The following IPO11 variants were observed in gnomAD, a reference collection of about 807,000 sequenced individuals.
The protein encoded by IPO11 is importin 11.
In IPO11, 66 loss-of-function variants were observed where a neutral mutation model predicts 143.2. That is an observed-to-expected ratio of 0.46 (90% CI 0.38 to 0.57). The LOEUF (loss-of-function observed/expected upper bound fraction) is 0.57, where lower values mean the gene tolerates loss of function less well. Among genes scored for constraint, IPO11 ranks in the 20% least tolerant of loss-of-function variants. IPO11 has a pLI of 0.00. For synonymous variants in IPO11, 385 were observed against 377.8 expected (o/e 1.02, Z -0.22); for missense variants, 1,026 against 1,141.0 (o/e 0.90, Z 1.45).
intron 1 of IPO11, among the ~76,000 whole-genome samples, chr5:62,424,211 C>T (rs529509783): frequency 6.6e-6 from 1 of 151,850 alleles, no homozygotes; most frequent in African/African-American, 2.4e-5. Context: ...GCAATCCGAG[C>T]TCACTGCAAG....
intron 22 of IPO11, among the ~76,000 whole-genome samples, chr5:62,532,112 AC>A (rs1015683202): frequency 6.6e-6 from 1 of 152,210 alleles, no homozygotes; most frequent in Non-Finnish European, 1.5e-5. Flanking sequence ...AGCTGCTTCC[AC>A]ATATGTGTGA....
chr5:62,477,558 A>C (rs191510791), intron 9 of IPO11, among the ~76,000 whole-genome samples: 180 of 152,334 alleles, frequency 1.2e-3, no homozygotes, highest in African/African-American at 3.9e-3. Context: ...CTAATCTTCC[A>C]AGATACATTA....
intron 19 of IPO11, among the ~76,000 whole-genome samples, chr5:62,513,322 C>G (rs1320227120): frequency 7.7e-5 from 7 of 91,046 alleles, no homozygotes; most frequent in African/African-American, 3.4e-4. Context: ...CTGACCCCCC[C>G]ACCTCCCTCC....
intron 9 of IPO11, among the ~76,000 whole-genome samples, chr5:62,478,018 A>T (rs546805340): frequency 1.6e-4 from 24 of 152,288 alleles, no homozygotes; most frequent in African/African-American, 5.8e-4. Flanking sequence ...ACAATTATCA[A>T]CATATGGCCA....
intron 27 of IPO11, among the ~76,000 whole-genome samples, chr5:62,586,766 AAAATATATATATATATATAT>A (rs1418830985): frequency 8.3e-4 from 63 of 76,202 alleles, no homozygotes; most frequent in African/African-American, 1.5e-3. Context: ...AAAAAAAAAA[AAAATATATATATATATATAT>A]ATATATATAT....
At chr5:62,597,147 CAG>C (rs1412135420) in intron 28 of IPO11, among the ~76,000 whole-genome samples, 1 of 152,040 alleles carries the variant, frequency 6.6e-6, no homozygotes, top group Non-Finnish European at 1.5e-5. Context: ...CTCATTATAA[CAG>C]AAAACTATTA....
At chr5:62,544,071 GAA>G (rs998750348) in intron 24 of IPO11, among the ~76,000 whole-genome samples, 1 of 152,004 alleles carries the variant, frequency 6.6e-6, no homozygotes, top group African/African-American at 2.4e-5. Context: ...CCAATCAATA[GAA>G]AAAGAGGGAA....
intron 29 of IPO11, among the ~76,000 whole-genome samples, chr5:62,607,583 T>C (rs1236066778): frequency 2.0e-5 from 3 of 152,202 alleles, no homozygotes; most frequent in Non-Finnish European, 2.9e-5. Flanking sequence ...GCAAATAATA[T>C]GAGAATAATT....
chr5:62,540,177 A>G (rs772062315), intron 24 of IPO11, among the ~76,000 whole-genome samples: 1 of 152,200 alleles, frequency 6.6e-6, no homozygotes, highest in African/African-American at 2.4e-5. Flanking sequence ...TCTCGACTAT[A>G]CTGAGGATCC....
intron 27 of IPO11, among the ~76,000 whole-genome samples, chr5:62,591,002 A>G (rs1744989727): frequency 6.6e-6 from 1 of 152,132 alleles, no homozygotes; most frequent in African/African-American, 2.4e-5. Flanking sequence ...GTGTGATCAT[A>G]TTGCACTGCA....
At chr5:62,433,028 C>T (rs1744048919) in intron 1 of IPO11, among the ~76,000 whole-genome samples, 1 of 152,124 alleles carries the variant, frequency 6.6e-6, no homozygotes, top group Non-Finnish European at 1.5e-5. Flanking sequence ...ACTGTTCTTT[C>T]ATTTAATGGT....
At chr5:62,414,238 C>G (rs1743214442) in intron 1 of IPO11, among the ~76,000 whole-genome samples, 1 of 152,070 alleles carries the variant, frequency 6.6e-6, no homozygotes, top group Non-Finnish European at 1.5e-5. Flanking sequence ...GGAATCAAAC[C>G]AGAATGCAGC....
intron 9 of IPO11, among the ~76,000 whole-genome samples, chr5:62,481,070 C>T (rs1746186627): frequency 6.6e-6 from 1 of 151,872 alleles, no homozygotes. Flanking sequence ...CACCCGCCAC[C>T]ATGCCCGGCT....
intron 1 of IPO11, among the ~76,000 whole-genome samples, chr5:62,436,900 C>CAT (rs1191611510): frequency 1.3e-5 from 2 of 152,160 alleles, no homozygotes; most frequent in Non-Finnish European, 2.9e-5. Context: ...TTTTATAACA[C>CAT]TTATTAATCT....
At chr5:62,619,858 CAA>C (rs746676766) in intron 29 of IPO11, among the ~76,000 whole-genome samples, 1 of 130,134 alleles carries the variant, frequency 7.7e-6, no homozygotes. Flanking sequence ...GACTCCACCT[CAA>C]AAAAAAAAAG....
intron 22 of IPO11, 38 bp downstream of exon 22, chr5:62,530,823 T>G: frequency 6.7e-7 from 1 of 1,488,606 alleles, no homozygotes; most frequent in Non-Finnish European, 9.3e-7. Flanking sequence ...TGTTTTTGAA[T>G]GCAACCATAA....
chr5:62,541,690 AAG>A (rs1433536057), intron 24 of IPO11, among the ~76,000 whole-genome samples: 1 of 152,176 alleles, frequency 6.6e-6, no homozygotes, highest in Non-Finnish European at 1.5e-5. Context: ...CAAAAAAAAA[AAG>A]AAGAAAATTA....
intron 15 of IPO11, 56 bp from the exon 16 acceptor site, chr5:62,493,942 G>C: frequency 6.9e-7 from 1 of 1,450,236 alleles, no homozygotes; most frequent in Non-Finnish European, 9.4e-7. Context: ...TATACTAAAA[G>C]AAATAGACCT....
chr5:62,580,562 C>T (rs1260103594), intron 27 of IPO11: 3 of 1,551,438 alleles, frequency 1.9e-6, no homozygotes, highest in Non-Finnish European at 2.6e-6. Flanking sequence ...GACTGGCTAG[C>T]ATCTTCAGCC....
Sources: allele counts gnomAD v4.1 joint callset (sites outside exome capture counted in the v4.1 genomes callset), GRCh38; gene constraint gnomAD v4.1.1; transcripts MANE v1.5; gene names NCBI Gene and HGNC (gene_info 2026-07-23, HGNC 2026-07-21).